The following EDIL3 variants were observed in gnomAD, a reference collection of about 807,000 sequenced individuals.
EDIL3 encodes EGF-like repeat and discoidin I-like domain-containing protein 3.
In EDIL3, 37 loss-of-function variants were observed where a neutral mutation model predicts 67.4. The observed-to-expected ratio is 0.55, with a 90% CI of 0.42 to 0.72. The LOEUF is 0.72. Ranked by LOEUF, EDIL3 falls within the 30% of genes least tolerant of loss-of-function variation. EDIL3 has a pLI of 0.00. For synonymous variants in EDIL3, 195 were observed against 196.3 expected (o/e 0.99, Z 0.05); for missense variants, 527 against 586.3 (o/e 0.90, Z 1.04).
intron 4 of EDIL3, among the ~76,000 whole-genome samples, chr5:84,178,864 G>A (rs1246610049): frequency 6.6e-6 from 1 of 152,184 alleles, no homozygotes; most frequent in Non-Finnish European, 1.5e-5. Flanking sequence ...TTAAAATCTT[G>A]TTGTGGGGGT....
chr5:84,345,532 A>T (rs1747219312), intron 1 of EDIL3, among the ~76,000 whole-genome samples: 1 of 151,962 alleles, frequency 6.6e-6, no homozygotes, highest in African/African-American at 2.4e-5. Context: ...GAGTAATAAA[A>T]TATCTGAGCT....
Position 84,182,502 on chromosome 5 carries a change from G to GA in EDIL3, c.227-1982dup, listed in dbSNP as rs113088246. ...AACAAACAAACAAACTTGTGAATAGGAAAAAAAAAATCACCAGCATCACTT... is the reference window on the plus strand; with the variant it reads ...AACAAACAAACAAACTTGTGAATAGGAAAAAAAAAAATCACCAGCATCACTT... On this transcript the variant is annotated intron_variant, in intron 3 of 10. Coordinates refer to ENST00000296591, the MANE Select transcript of EDIL3 (RefSeq NM_005711.5). Among the ~76,000 whole-genome samples the GA allele has an allele frequency of 5.9e-3, 879 of 149,490 alleles. 7 individuals carry two copies. Among genetic ancestry groups the GA allele is most frequent in the African/African-American group, 0.019 (793 of 40,774 alleles).
chr5:84,328,171 T>C (rs1213819165), intron 1 of EDIL3, among the ~76,000 whole-genome samples: 1 of 152,040 alleles, frequency 6.6e-6, no homozygotes, highest in Non-Finnish European at 1.5e-5. Context: ...TAAATAAACA[T>C]GTCATATGCA....
intron 1 of EDIL3, among the ~76,000 whole-genome samples, chr5:84,312,294 C>T (rs1483871743): frequency 1.5e-4 from 22 of 145,288 alleles, no homozygotes; most frequent in African/African-American, 1.0e-4. Flanking sequence ...GCTGACCCCC[C>T]CACCTCCCTC....
intron 1 of EDIL3, among the ~76,000 whole-genome samples, chr5:84,311,831 C>A (rs1342977621): frequency 2.0e-5 from 3 of 152,142 alleles, no homozygotes; most frequent in East Asian, 3.9e-4. Flanking sequence ...ATCCATTTAA[C>A]CCTGAGTGGA....
chr5:84,050,746 G>C (rs767966126), intron 9 of EDIL3, among the ~76,000 whole-genome samples: 5 of 152,192 alleles, frequency 3.3e-5, no homozygotes, highest in African/African-American at 1.2e-4. Flanking sequence ...CAAACTGCAA[G>C]GCAGCAGTGA....
At chr5:84,113,500 T>C (rs764989522) in intron 5 of EDIL3, among the ~76,000 whole-genome samples, 1 of 152,126 alleles carries the variant, frequency 6.6e-6, no homozygotes, top group Non-Finnish European at 1.5e-5. Flanking sequence ...AAACTTCAAG[T>C]GCCTCCCCAT....
intron 9 of EDIL3, among the ~76,000 whole-genome samples, chr5:84,020,093 G>C (rs1216143907): frequency 1.3e-4 from 12 of 93,970 alleles, no homozygotes; most frequent in East Asian, 3.7e-4. Flanking sequence ...AAAAAAAAAC[G>C]CAACAAACAA....
chr5:84,244,759 AGCC>A (rs1744873337), intron 2 of EDIL3, among the ~76,000 whole-genome samples: 1 of 152,042 alleles, frequency 6.6e-6, no homozygotes, highest in Non-Finnish European at 1.5e-5. Flanking sequence ...ACTTACCCTA[AGCC>A]TGTTCCATAC....
chr5:84,223,058 G>A (rs1468837232), intron 3 of EDIL3, among the ~76,000 whole-genome samples: 1 of 151,628 alleles, frequency 6.6e-6, no homozygotes, highest in Non-Finnish European at 1.5e-5. Flanking sequence ...ATAGTCAAGG[G>A]GGTATTCCTC....
In EDIL3 at chr5:84,153,016, G is replaced by C. The variant is rs533906724; in HGVS notation, c.356-15662C>G. ...TAATTTTGTACAGATAAGCACAACTGGAACCTTATTATTATCTATCAGCCA... is the reference window on the plus strand; with the variant it reads ...TAATTTTGTACAGATAAGCACAACTCGAACCTTATTATTATCTATCAGCCA... On this transcript the variant is annotated intron_variant, in intron 4 of 10. Transcript: ENST00000296591. Among the ~76,000 whole-genome samples the C allele has an allele frequency of 3.3e-5, 5 of 152,102 alleles. No individual in the cohort carries two copies. The South Asian group carries it at 1.0e-3, about 32-fold the overall frequency.
intron 1 of EDIL3, among the ~76,000 whole-genome samples, chr5:84,324,734 C>T (rs890027024): frequency 3.3e-5 from 5 of 151,588 alleles, no homozygotes; most frequent in African/African-American, 1.2e-4. Context: ...GACATTACTA[C>T]AAATTCTATA....
chr5:84,297,331 T>C (rs1011373414), intron 1 of EDIL3, among the ~76,000 whole-genome samples: 1 of 152,036 alleles, frequency 6.6e-6, no homozygotes, highest in African/African-American at 2.4e-5. Context: ...CACAATGATA[T>C]ATGATCTCAT....
At chr5:84,310,740 G>A (rs1746369412) in intron 1 of EDIL3, among the ~76,000 whole-genome samples, 2 of 152,084 alleles carry the variant, frequency 1.3e-5, no homozygotes. Context: ...CTTTGGTTGA[G>A]TTATAACTTA....
At chr5:84,151,306 C>A (rs1748385571) in intron 4 of EDIL3, among the ~76,000 whole-genome samples, 1 of 151,616 alleles carries the variant, frequency 6.6e-6, no homozygotes, top group East Asian at 1.9e-4. Flanking sequence ...CCCCGACACT[C>A]CATGACAATA....
chr5:84,323,031 C>A (rs558511459), intron 1 of EDIL3, among the ~76,000 whole-genome samples: 1 of 151,984 alleles, frequency 6.6e-6, no homozygotes, highest in Non-Finnish European at 1.5e-5. Context: ...GGGACCTCAT[C>A]AGGACTAGAC....
intron 4 of EDIL3, among the ~76,000 whole-genome samples, chr5:84,158,462 C>A (rs1045046372): frequency 6.6e-6 from 1 of 151,984 alleles, no homozygotes; most frequent in Non-Finnish European, 1.5e-5. Context: ...CCTGAATTAT[C>A]CTACAAAATA....
Position 84,201,495 on chromosome 5 carries a change from G to A in EDIL3, c.227-20974C>T, listed in dbSNP as rs527723756. Among the ~76,000 whole-genome samples the A allele has an allele frequency of 3.9e-5, 6 of 152,154 alleles. No homozygotes were observed. In the South Asian group the frequency reaches 1.2e-3, roughly 32 times the overall value. On this transcript the variant is annotated intron_variant, in intron 3 of 10. Transcript: ENST00000296591. ...TGTACCATACTTAGAGACTTCATCT[G>A]TTTTTCTGGGTCAGAAAGCATGTGT...
At chr5:83,955,963 A>C (rs1319178892) in intron 10 of EDIL3, among the ~76,000 whole-genome samples, 1 of 151,838 alleles carries the variant, frequency 6.6e-6, no homozygotes, top group Non-Finnish European at 1.5e-5. Context: ...ATCCTTAAAG[A>C]AGGACAACTG....
Sources: gnomAD v4.1 joint callset for allele counts (sites outside exome capture counted in the v4.1 genomes callset) on GRCh38, gnomAD v4.1.1 for gene constraint, MANE v1.5 for transcripts, NCBI Gene and HGNC (gene_info 2026-07-23, HGNC 2026-07-21) for gene names.